Variants in MRTFA observed in about 807,000 individuals in gnomAD.
The protein encoded by MRTFA is myocardin-related transcription factor A.
In MRTFA, 20 loss-of-function variants were observed where a neutral mutation model predicts 83.5. The observed-to-expected ratio is 0.24, with a 90% CI of 0.17 to 0.35. The LOEUF is 0.35. Among genes scored for constraint, MRTFA ranks in the 10% least tolerant of loss-of-function variants. The pLI, the probability that MRTFA is intolerant of heterozygous loss-of-function variation, is 1.00. For synonymous variants in MRTFA, 659 were observed against 541.2 expected, an observed-to-expected ratio of 1.22 and a Z score of -3.02; for missense variants, 1,200 against 1,224.7, an observed-to-expected ratio of 0.98 and a Z score of 0.30.
chr22:40,426,644 A>G (rs2052959952), intron 7 of MRTFA, among the ~76,000 whole-genome samples: 1 of 151,762 alleles, frequency 6.6e-6, no homozygotes, highest in Admixed American at 6.6e-5. Flanking sequence ...TACCTTTTCC[A>G]CTTGGCAAAC....
At chr22:40,467,427 T>C (rs1186637448) in intron 3 of MRTFA, among the ~76,000 whole-genome samples, 3 of 152,224 alleles carry the variant, frequency 2.0e-5, no homozygotes, top group African/African-American at 4.8e-5. Flanking sequence ...TATGGAGTTT[T>C]TGTTTCCTTG....
At chr22:40,578,853 G>T (rs1029389708) in intron 2 of MRTFA, among the ~76,000 whole-genome samples, 1 of 150,150 alleles carries the variant, frequency 6.7e-6, no homozygotes, top group African/African-American at 2.4e-5. Context: ...AGCCCAGGAA[G>T]TCAAGGCTGC....
chr22:40,427,420 T>C (rs1235001135), intron 7 of MRTFA, among the ~76,000 whole-genome samples: 2 of 152,122 alleles, frequency 1.3e-5, no homozygotes, highest in African/African-American at 4.8e-5. Flanking sequence ...TAATTCAGCA[T>C]GCGTTGGGGG....
At chr22:40,429,531 T>A (rs758988872) in intron 7 of MRTFA, 75 bp downstream of exon 7, 1 of 1,570,818 alleles carries the variant, frequency 6.4e-7, no homozygotes, top group South Asian at 1.1e-5. Context: ...TCAGCCCAAT[T>A]CTGCTTCAGC....
chr22:40,559,508 C>T (rs1364684434), intron 2 of MRTFA, among the ~76,000 whole-genome samples: 1 of 152,130 alleles, frequency 6.6e-6, no homozygotes, highest in African/African-American at 2.4e-5. Context: ...CAGCCTTAAA[C>T]TCCTGGGCTC....
Position 40,425,691 on chromosome 22 carries a change from G to A in MRTFA, c.602-1310C>T, listed in dbSNP as rs115187289. On this transcript the variant is annotated intron_variant, in intron 7 of 14. Transcript: ENST00000355630. ...CATGTGTACTTCATGCCAGACACAC[G>A]GCTAGATTTCCCCCACAATCTCCTA... Among the ~76,000 whole-genome samples the A allele has an allele frequency of 6.6e-3, 1,011 of 152,290 alleles. 16 individuals are homozygous for A. The highest frequency in any genetic ancestry group is 0.022 in the African/African-American group (919 of 41,552).
rs778797295 is a variant in MRTFA, at chr22:40,595,116, C to CTTT, written c.-83-384_-83-382dup. 1.8e-3 allele frequency among the ~76,000 whole-genome samples: 217 copies of CTTT among 119,250 alleles called. 3 individuals carry two copies. The highest frequency in any genetic ancestry group is 6.3e-3 in the African/African-American group (198 of 31,496). 78.2% of individuals were successfully genotyped at this position (119,250 alleles called of 152,430 possible). A position where few individuals can be genotyped will look rare whatever the true frequency, so the allele number is the denominator to read the frequency against. On this transcript the variant is annotated intron_variant, in intron 1 of 14. Transcript: ENST00000355630. ...TGCTCTTATTGGTGTTGATAAATGC[C>CTTT]TTTTTTTTTTTTTTTTTTTTTGGAC...
chr22:40,592,748 C>A (rs145947642), intron 2 of MRTFA, among the ~76,000 whole-genome samples: 1 of 152,056 alleles, frequency 6.6e-6, no homozygotes, highest in African/African-American at 2.4e-5. Context: ...CCACCTCAGC[C>A]GCCCAAAGTG....
chr22:40,504,208 A>C (rs1170729870), intron 3 of MRTFA, among the ~76,000 whole-genome samples: 2 of 152,190 alleles, frequency 1.3e-5, no homozygotes, highest in Non-Finnish European at 2.9e-5. Flanking sequence ...GACTTCTCAA[A>C]TTTCTTAAGA....
At chr22:40,508,847 C>CAA (rs67844311) in intron 3 of MRTFA, among the ~76,000 whole-genome samples, 5 of 111,078 alleles carry the variant, frequency 4.5e-5, no homozygotes, top group East Asian at 2.3e-4. Flanking sequence ...CTGCCTCTAC[C>CAA]AAAAAAAAAA....
chr22:40,476,151 A>T (rs1249340590), intron 3 of MRTFA, among the ~76,000 whole-genome samples: 2 of 151,370 alleles, frequency 1.3e-5, no homozygotes, highest in Non-Finnish European at 3.0e-5. Flanking sequence ...CTCAAAAAAA[A>T]AAAAGGGGGG....
Position 40,416,969 on chromosome 22 carries a change from A to AG in MRTFA, c.2578+16dup, listed in dbSNP as rs776604476. The AG allele has an allele frequency of 1.3e-6, 2 of 1,587,468 alleles. No individual in the cohort carries two copies. Among genetic ancestry groups the AG allele is most frequent in the South Asian group, 1.2e-5 (1 of 86,694 alleles). ...CAGAGAAGGCCGTCAGGGAGGCAGCAGGGGACCTGGGGTTACCTCCGCTCT... is the reference window on the plus strand; with the variant it reads ...CAGAGAAGGCCGTCAGGGAGGCAGCAGGGGGACCTGGGGTTACCTCCGCTCT... On this transcript the variant is annotated intron_variant, in intron 14 of 14. Coordinates refer to ENST00000355630, the MANE Select transcript of MRTFA (RefSeq NM_020831.6). This position sits in a 1 kb window ranked among gnomAD's most constrained non-coding sequence, Gnocchi z 4.2.
Position 40,417,049 on chromosome 22 carries a change from G to A in MRTFA, c.2518-3C>T, listed in dbSNP as rs770951155. 8 of 1,586,594 alleles carry A rather than the reference G, an allele frequency of 5.0e-6. No individual in the cohort carries two copies. The Admixed American group carries it at 7.2e-5, about 14-fold the overall frequency. On this transcript the variant is annotated splice_polypyrimidine_tract_variant and splice_region_variant and intron_variant, in intron 13 of 14. Coordinates refer to ENST00000355630, the MANE Select transcript of MRTFA (RefSeq NM_020831.6). ...TGCTGGCTTGAGGAACCATTTTCCT[G>A]TGGGACAAAGGAAAAAAAAAAAAGA...
chr22:40,599,170 T>C (rs2056228602), intron 1 of MRTFA, among the ~76,000 whole-genome samples: 1 of 150,676 alleles, frequency 6.6e-6, no homozygotes, highest in Non-Finnish European at 1.5e-5. Context: ...TAGTGGTGCA[T>C]GCCTGTAATC....
intron 2 of MRTFA, among the ~76,000 whole-genome samples, chr22:40,561,840 A>G (rs1428343690): frequency 6.6e-6 from 1 of 152,132 alleles, no homozygotes; most frequent in Non-Finnish European, 1.5e-5. Flanking sequence ...GCCTTGACCA[A>G]TCGAGAACAG....
intron 4 of MRTFA, among the ~76,000 whole-genome samples, chr22:40,442,395 G>A (rs971963179): frequency 2.0e-5 from 3 of 152,184 alleles, no homozygotes; most frequent in Non-Finnish European, 4.4e-5. Context: ...AAGCCTGCTG[G>A]GTTTCTTTTT....
chr22:40,534,925 T>C (rs2055141881), intron 3 of MRTFA, among the ~76,000 whole-genome samples: 1 of 152,186 alleles, frequency 6.6e-6, no homozygotes, highest in African/African-American at 2.4e-5. Flanking sequence ...GAGAAAATAG[T>C]CTCAGAATGA....
intron 3 of MRTFA, among the ~76,000 whole-genome samples, chr22:40,507,804 A>T (rs1228479871): frequency 6.6e-6 from 1 of 151,776 alleles, no homozygotes; most frequent in African/African-American, 2.4e-5. Flanking sequence ...CTCTACTAAA[A>T]ATACAAAAAT....
At chr22:40,423,816 G>A (rs1393519964) in intron 8 of MRTFA, 131 bp from the exon 9 acceptor site, 13 of 824,924 alleles carry the variant, frequency 1.6e-5, no homozygotes, top group East Asian at 3.0e-5. Context: ...GACCGGAGGA[G>A]GAGAAGAGCA....
Sources: gnomAD v4.1 joint callset for allele counts (sites outside exome capture counted in the v4.1 genomes callset) on GRCh38, gnomAD v4.1.1 for gene constraint, Gnocchi (gnomAD v3.1) non-coding constraint, MANE v1.5 for transcripts, NCBI Gene and HGNC (gene_info 2026-07-23, HGNC 2026-07-21) for gene names.